The following SERTAD2 variants were observed in gnomAD, a reference collection of about 807,000 sequenced individuals.
SERTAD2 encodes the protein SERTA domain containing 2.
A neutral mutation model predicts 15.4 loss-of-function variants in SERTAD2; 2 were observed. The ratio of observed to expected loss-of-function variants is 0.13; its 90% CI spans 0.05 to 0.41. The LOEUF (loss-of-function observed/expected upper bound fraction) is 0.41. Among genes scored for constraint, SERTAD2 ranks in the 10% least tolerant of loss-of-function variants. The probability of loss-of-function intolerance (pLI) is 0.99; values close to 1 mark genes in which losing one functional copy is unlikely to be tolerated. For synonymous variants in SERTAD2, 180 were observed against 178.0 expected (o/e 1.01, Z -0.09); for missense variants, 333 against 409.7 (o/e 0.81, Z 1.62).
In SERTAD2 at chr2:64,633,261, C is replaced by A. The variant is rs896217507; in HGVS notation, c.*2666G>T. ...TTTGAGTATCAGGGATTTATGGCAA[C>A]GGTGTCAGAGTTAAAAAGCATTTGC... On this transcript the variant is annotated 3_prime_UTR_variant, in exon 2 of 2. Coordinates refer to ENST00000313349, the MANE Select transcript of SERTAD2 (RefSeq NM_014755.3). 6.6e-6 allele frequency: 1 copy of A among 152,158 alleles called. No homozygotes were observed. Among genetic ancestry groups the A allele is most frequent in the Non-Finnish European group, 1.5e-5 (1 of 68,032 alleles). 9.4% of individuals were successfully genotyped at this position (152,158 alleles called of 1,614,324 possible).
intron 1 of SERTAD2, among the ~76,000 whole-genome samples, chr2:64,645,607 A>T (rs540645556): frequency 1.5e-4 from 23 of 152,344 alleles, no homozygotes; most frequent in African/African-American, 4.3e-4. Context: ...TAGTAAAATA[A>T]TTTTTTAAAA....
chr2:64,633,061 C>G lies in SERTAD2; in HGVS notation c.*2866G>C, dbSNP rs907924753. ...TGATGTCTTTCATAAAGGGAAGGCA[C>G]TGCTGGAAGCACATCCCACACTCAA... On this transcript the variant is annotated 3_prime_UTR_variant, in exon 2 of 2. Coordinates refer to ENST00000313349, the MANE Select transcript of SERTAD2 (RefSeq NM_014755.3). 6.6e-6 allele frequency: 1 copy of G among 152,544 alleles called. No individual in the cohort carries two copies. Among genetic ancestry groups the G allele is most frequent in the African/African-American group, 2.4e-5 (1 of 41,464 alleles). 9.4% of individuals were successfully genotyped at this position (152,544 alleles called of 1,614,324 possible).
intron 1 of SERTAD2, among the ~76,000 whole-genome samples, chr2:64,650,521 G>A (rs1674986924): frequency 6.6e-6 from 1 of 152,186 alleles, no homozygotes; most frequent in Non-Finnish European, 1.5e-5. Flanking sequence ...GGACGCTCCA[G>A]GGGACAGTTC....
At chr2:64,646,416 T>C (rs1397242013) in intron 1 of SERTAD2, 1 of 152,114 alleles carries the variant, frequency 6.6e-6, no homozygotes, top group African/African-American at 2.4e-5. Flanking sequence ...TTTTTTTTTC[T>C]TCACACAGAA....
intron 1 of SERTAD2, among the ~76,000 whole-genome samples, chr2:64,640,841 G>A (rs569407916): frequency 7.2e-5 from 11 of 152,278 alleles, no homozygotes; most frequent in East Asian, 3.9e-4. Flanking sequence ...AGACTCCCAC[G>A]TGGAGGAATC....
At chr2:64,642,132 G>C (rs1003414037) in intron 1 of SERTAD2, among the ~76,000 whole-genome samples, 2 of 152,208 alleles carry the variant, frequency 1.3e-5, no homozygotes, top group African/African-American at 2.4e-5. Flanking sequence ...AGGACAAAAA[G>C]GAATGAACAG....
chr2:64,640,320 CCTT>C (rs771525416), intron 1 of SERTAD2, among the ~76,000 whole-genome samples: 1 of 152,152 alleles, frequency 6.6e-6, no homozygotes, highest in Non-Finnish European at 1.5e-5. Flanking sequence ...ACAACCACCT[CCTT>C]AAGCAGGGCC....
intron 1 of SERTAD2, chr2:64,644,526 AAGG>A (rs1162540094): frequency 2.0e-5 from 3 of 152,288 alleles, no homozygotes; most frequent in Non-Finnish European, 2.9e-5. Context: ...TCCGAGCAGG[AAGG>A]AGAAGCCCGA....
At chr2:64,648,985 G>A (rs939663844) in intron 1 of SERTAD2, among the ~76,000 whole-genome samples, 1 of 152,116 alleles carries the variant, frequency 6.6e-6, no homozygotes, top group Non-Finnish European at 1.5e-5. Flanking sequence ...TAGCACGGAA[G>A]ACACAGGAGA....
intron 1 of SERTAD2, among the ~76,000 whole-genome samples, chr2:64,638,706 CAAT>C (rs1674712418): frequency 4.3e-4 from 1 of 2,310 alleles, no homozygotes; most frequent in African/African-American, 1.1e-3. Context: ...AAATGGCTGT[CAAT>C]GTCAATCACA....
At chr2:64,651,252 G>C (rs1675002721) in intron 1 of SERTAD2, among the ~76,000 whole-genome samples, 1 of 152,114 alleles carries the variant, frequency 6.6e-6, no homozygotes, top group Admixed American at 6.5e-5. Flanking sequence ...TTCTGTTCCA[G>C]CTTTCACCTT....
At chr2:64,652,058 AT>A in intron 1 of SERTAD2, among the ~76,000 whole-genome samples, 1 of 152,314 alleles carries the variant, frequency 6.6e-6, no homozygotes, top group East Asian at 1.9e-4. Context: ...TTAACATATA[AT>A]ACCCCTCTAA....
Position 64,635,852 on chromosome 2 carries a change from C to T in SERTAD2, c.*75G>A, listed in dbSNP as rs1674644821. On this transcript the variant is annotated 3_prime_UTR_variant, in exon 2 of 2. Transcript: ENST00000313349. ...TGAAAAAGGCAAGCAAGGGTGCATG[C>T]ACAGTGTGGAGAACTGTCAGGGTTA... 3.5e-6 allele frequency: 4 copies of T among 1,150,108 alleles called. No homozygotes were observed. The highest frequency in any genetic ancestry group is 5.1e-6 in the Non-Finnish European group (4 of 788,540). 71.2% of individuals were successfully genotyped at this position (1,150,108 alleles called of 1,614,324 possible).
chr2:64,641,142 C>G (rs1407391510), intron 1 of SERTAD2, among the ~76,000 whole-genome samples: 2 of 152,186 alleles, frequency 1.3e-5, no homozygotes, highest in Non-Finnish European at 2.9e-5. Flanking sequence ...AAACACAACT[C>G]TGTACATGAA....
chr2:64,639,958 G>A (rs1017518381), intron 1 of SERTAD2, among the ~76,000 whole-genome samples: 1 of 151,946 alleles, frequency 6.6e-6, no homozygotes, highest in Non-Finnish European at 1.5e-5. Context: ...CCTGTAAGCA[G>A]GAACAGACAC....
intron 1 of SERTAD2, chr2:64,645,094 AAC>A (rs1320681075): frequency 2.0e-5 from 3 of 152,136 alleles, no homozygotes; most frequent in Non-Finnish European, 4.4e-5. Context: ...TCCCTGCAGT[AAC>A]ATCCATGCTA....
rs1239413332 is a variant in SERTAD2, at chr2:64,636,316, T to C, written c.556A>G (p.Thr186Ala). The change falls in exon 2 of 2, where the codon ACA becomes GCA. Residue 186 changes from threonine (T) to alanine (A), a missense_variant. Around this residue, in one of 2 missense-constraint regions of SERTAD2, gnomAD observed 332 missense variants for 392.9 expected, o/e 0.84. Coordinates refer to ENST00000313349, the MANE Select transcript of SERTAD2 (RefSeq NM_014755.3). ...IEELCPTSTS[T>A]EAATAATDSV... ...TCAGTCGCAGCCGTGGCCGCCTCTG[T>C]GGAGGTAGATGTGGGACAGAGCTCC... 1 of 1,614,046 alleles carries C rather than the reference T, an allele frequency of 6.2e-7. No individual in the cohort carries two copies. Among genetic ancestry groups the C allele is most frequent in the East Asian group, 2.2e-5 (1 of 44,884 alleles).
chr2:64,648,673 C>A (rs1333097459), intron 1 of SERTAD2, among the ~76,000 whole-genome samples: 1 of 152,078 alleles, frequency 6.6e-6, no homozygotes, highest in Admixed American at 6.5e-5. Context: ...GCCTGCCACC[C>A]CCAGCCTGCC....
rs1027222049 is a variant in SERTAD2, at chr2:64,635,528, T to A, written c.*399A>T. ...GTACTGAGATTATCTAAATAAGATATATATATATAGTTTTCTTCTTTACCT... is the reference window on the plus strand; with the variant it reads ...GTACTGAGATTATCTAAATAAGATAAATATATATAGTTTTCTTCTTTACCT... On this transcript the variant is annotated 3_prime_UTR_variant, in exon 2 of 2. Coordinates refer to ENST00000313349, the MANE Select transcript of SERTAD2 (RefSeq NM_014755.3). 1 of 164,580 alleles carries A rather than the reference T, an allele frequency of 6.1e-6. No individual in the cohort carries two copies. The highest frequency in any genetic ancestry group is 2.4e-5 in the African/African-American group (1 of 41,560). The allele number at this position is 164,580 out of a possible 1,614,324, so 10.2% of individuals were successfully genotyped here.
Sources: allele counts gnomAD v4.1 joint callset (sites outside exome capture counted in the v4.1 genomes callset), GRCh38; gene constraint gnomAD v4.1.1; regional missense constraint gnomAD v4.1.1; transcripts MANE v1.5; gene names NCBI Gene and HGNC (gene_info 2026-07-23, HGNC 2026-07-21).